Variants in GABRR3 observed in about 807,000 individuals in gnomAD.
GABRR3 encodes gamma-aminobutyric acid receptor subunit rho-3.
Under a neutral mutation model 43.2 loss-of-function variants are expected in GABRR3, and 29 were observed. The ratio of observed to expected loss-of-function variants is 0.67; its 90% CI spans 0.50 to 0.92. The LOEUF (loss-of-function observed/expected upper bound fraction) is 0.92. GABRR3 is among the 40% of genes least tolerant of loss of function. The pLI, the probability that GABRR3 is intolerant of heterozygous loss-of-function variation, is 0.00. For synonymous variants in GABRR3, 206 were observed against 195.9 expected (o/e 1.05, Z -0.43); for missense variants, 576 against 572.3 (o/e 1.01, Z -0.07).
intron 2 of GABRR3, among the ~76,000 whole-genome samples, chr3:98,027,517 G>A (rs1473649789): frequency 5.3e-5 from 8 of 152,224 alleles, no homozygotes; most frequent in South Asian, 2.1e-4. Flanking sequence ...AGATTGAAAA[G>A]GATAAATCTT....
chr3:98,004,822 T>G (rs1015913502), intron 7 of GABRR3, among the ~76,000 whole-genome samples: 1 of 151,848 alleles, frequency 6.6e-6, no homozygotes, highest in Non-Finnish European at 1.5e-5. Context: ...GTTGTAAGGA[T>G]AGGAGTGAAG....
exon 7 of GABRR3, chr3:98,007,820 T>G (rs1706741403): frequency 6.2e-7 from 1 of 1,613,038 alleles, no homozygotes; most frequent in Admixed American, 1.7e-5. Flanking sequence ...AATGAAGAAC[T>G]GAGAAAGGGA....
chr3:97,993,310 A>C (rs1706495967), intron 8 of GABRR3, among the ~76,000 whole-genome samples: 2 of 152,174 alleles, frequency 1.3e-5, no homozygotes, highest in Admixed American at 1.3e-4. Flanking sequence ...CAGAAAACAG[A>C]GTCTGACTTT....
chr3:98,035,278 T>C, exon 1 of GABRR3: 1 of 362,148 alleles, frequency 2.8e-6, no homozygotes, highest in Admixed American at 4.0e-5. Flanking sequence ...GGAAGGTTTT[T>C]AGTGTGATGC....
At chr3:97,996,362 G>A (rs553871765) in intron 8 of GABRR3, among the ~76,000 whole-genome samples, 1 of 152,114 alleles carries the variant, frequency 6.6e-6, no homozygotes, top group Non-Finnish European at 1.5e-5. Flanking sequence ...TCATGAAGGT[G>A]GTACAAATAA....
At chr3:98,026,617 A>G (rs1290359712) in intron 2 of GABRR3, among the ~76,000 whole-genome samples, 2 of 151,278 alleles carry the variant, frequency 1.3e-5, no homozygotes, top group Non-Finnish European at 2.9e-5. Flanking sequence ...CATCATCATC[A>G]TCATCATCAT....
intron 8 of GABRR3, among the ~76,000 whole-genome samples, chr3:97,995,605 TA>T (rs112115092): frequency 0.2 from 28,531 of 145,404 alleles, 2,956 homozygotes; most frequent in East Asian, 0.27. Flanking sequence ...GATGAGTAAT[TA>T]AAAAAAAAAA....
chr3:98,002,437 C>T (rs369132363), intron 7 of GABRR3, among the ~76,000 whole-genome samples: 85 of 152,286 alleles, frequency 5.6e-4, no homozygotes, highest in African/African-American at 1.9e-3. Context: ...TCCACACACA[C>T]ATTTTGTTCA....
intron 9 of GABRR3, among the ~76,000 whole-genome samples, chr3:97,991,483 G>A (rs961760446): frequency 1.3e-5 from 2 of 152,214 alleles, no homozygotes; most frequent in Non-Finnish European, 2.9e-5. Context: ...GGGCATGTAA[G>A]TGACAGGCAA....
At chr3:97,995,898 C>T (rs1476692978) in intron 8 of GABRR3, among the ~76,000 whole-genome samples, 1 of 152,178 alleles carries the variant, frequency 6.6e-6, no homozygotes, top group Admixed American at 6.5e-5. Context: ...AAATTATCTT[C>T]CCCACTACTG....
intron 2 of GABRR3, among the ~76,000 whole-genome samples, chr3:98,030,307 G>A (rs1190343044): frequency 6.6e-6 from 1 of 151,996 alleles, no homozygotes; most frequent in Non-Finnish European, 1.5e-5. Context: ...AACATTTATT[G>A]CTGTTACTTA....
intron 5 of GABRR3, among the ~76,000 whole-genome samples, chr3:98,011,261 G>A (rs956169566): frequency 6.6e-6 from 1 of 152,186 alleles, no homozygotes; most frequent in Non-Finnish European, 1.5e-5. Flanking sequence ...TCCTACTGCT[G>A]CTGTAACAAA....
chr3:98,032,955 C>T (rs1707108882), intron 2 of GABRR3, among the ~76,000 whole-genome samples: 1 of 152,108 alleles, frequency 6.6e-6, no homozygotes, highest in Non-Finnish European at 1.5e-5. Flanking sequence ...TATCTATTCA[C>T]ATACTAAGGT....
intron 7 of GABRR3, among the ~76,000 whole-genome samples, chr3:98,005,139 A>G (rs1706709323): frequency 6.6e-6 from 1 of 152,020 alleles, no homozygotes; most frequent in Non-Finnish European, 1.5e-5. Context: ...ATATTGTAAC[A>G]AATTAAAAAA....
At chr3:97,989,982 T>C (rs1023091111) in intron 9 of GABRR3, among the ~76,000 whole-genome samples, 3 of 152,138 alleles carry the variant, frequency 2.0e-5, no homozygotes, top group African/African-American at 7.2e-5. Context: ...CATATATATA[T>C]ACAGGTGTCA....
At chr3:97,992,935 C>G (rs1299528908) in exon 9 of GABRR3, 1 of 1,613,656 alleles carries the variant, frequency 6.2e-7, no homozygotes, top group Non-Finnish European at 8.5e-7. Flanking sequence ...GACAGGAACA[C>G]AAAGAGGGAG....
intron 9 of GABRR3, among the ~76,000 whole-genome samples, chr3:97,989,646 T>G (rs1429658411): frequency 6.6e-6 from 1 of 152,060 alleles, no homozygotes; most frequent in Non-Finnish European, 1.5e-5. Context: ...GCCACTCTAC[T>G]GTAGCAGTCT....
intron 7 of GABRR3, among the ~76,000 whole-genome samples, chr3:98,004,036 G>T (rs956614743): frequency 1.3e-5 from 2 of 152,120 alleles, no homozygotes; most frequent in Admixed American, 6.5e-5. Flanking sequence ...GTTAATAACA[G>T]AGAGAAAAAG....
At chr3:98,016,025 G>T (rs375581090) in intron 4 of GABRR3, among the ~76,000 whole-genome samples, 1 of 152,140 alleles carries the variant, frequency 6.6e-6, no homozygotes, top group Non-Finnish European at 1.5e-5. Context: ...CTTCTTCACA[G>T]GGCAGCAGGA....
Sources: allele counts gnomAD v4.1 joint callset (sites outside exome capture counted in the v4.1 genomes callset), GRCh38; gene constraint gnomAD v4.1.1; transcripts MANE v1.5; gene names NCBI Gene and HGNC (gene_info 2026-07-23, HGNC 2026-07-21).